The following BPI variants were observed in gnomAD, a reference collection of about 807,000 sequenced individuals.
The protein encoded by BPI is bactericidal permeability increasing protein, also known as bactericidal permeability-increasing protein.
A neutral mutation model predicts 57.6 loss-of-function variants in BPI; 48 were observed. That is an observed-to-expected ratio of 0.83 (90% CI 0.66 to 1.06). The LOEUF (loss-of-function observed/expected upper bound fraction) is 1.06, where lower values mean the gene tolerates loss of function less well. BPI is among the 50% of genes least tolerant of loss of function. The pLI is 0.00. For missense variants in BPI, 651 were observed against 609.7 expected, an observed-to-expected ratio of 1.07 and a Z score of -0.71; for synonymous variants, 237 against 238.2, an observed-to-expected ratio of 0.99 and a Z score of 0.05.
In BPI at chr20:38,311,627, GGGGACT is replaced by G. The variant is rs1252814921; in HGVS notation, c.537-244_537-239del. Among the ~76,000 whole-genome samples, 5 of 152,152 alleles carry G rather than the reference GGGGACT, an allele frequency of 3.3e-5. No homozygotes were observed. In the East Asian group the frequency reaches 9.6e-4, roughly 29 times the overall value. On this transcript the variant is annotated intron_variant, in intron 4 of 14. Coordinates refer to ENST00000642449, the MANE Select transcript of BPI (RefSeq NM_001725.3). ...AGTGTGGCTAGTGTGCAGCAAGGGAGGGGACTGGTAAGGAATGAGACTGGGACGGGG... is the reference window on the plus strand; with the variant it reads ...AGTGTGGCTAGTGTGCAGCAAGGGAGGGTAAGGAATGAGACTGGGACGGGG...
chr20:38,330,296 T>C (rs1401788468), intron 11 of BPI, among the ~76,000 whole-genome samples: 1 of 152,198 alleles, frequency 6.6e-6, no homozygotes, highest in Non-Finnish European at 1.5e-5. Context: ...CTGTGTGACC[T>C]TGGACCATTG....
At position 38,331,039 on chromosome 20, in the gene BPI, C is replaced by T; in HGVS notation, c.1230-9C>T. 1.2e-6 allele frequency: 2 copies of T among 1,614,144 alleles called. No individual in the cohort carries two copies. The highest frequency in any genetic ancestry group is 2.2e-5 in the East Asian group (1 of 44,880). On this transcript the variant is annotated splice_polypyrimidine_tract_variant and intron_variant, in intron 11 of 14. Transcript: ENST00000642449. ...TGGTGGTCTCAGTCCCCTCCTCCCC[C>T]TCTCACAGGCTGCTCCTGGAACTGA...
chr20:38,325,726 G>T (rs964065715), intron 9 of BPI, among the ~76,000 whole-genome samples: 1 of 152,136 alleles, frequency 6.6e-6, no homozygotes, highest in Admixed American at 6.5e-5. Flanking sequence ...AGCTCTGGTT[G>T]GGGGGAGAGG....
At chr20:38,307,258 C>T (rs945102026) in intron 1 of BPI, among the ~76,000 whole-genome samples, 1 of 152,206 alleles carries the variant, frequency 6.6e-6, no homozygotes, top group African/African-American at 2.4e-5. Flanking sequence ...ATATGAAATT[C>T]TCATTTCAAT....
Position 38,311,885 on chromosome 20 carries a change from A to G in BPI, c.548A>G (p.Gln183Arg), listed in dbSNP as rs756956473. 6.2e-7 allele frequency: 1 copy of G among 1,614,066 alleles called. No individual in the cohort carries two copies. The highest frequency in any genetic ancestry group is 8.5e-7 in the Non-Finnish European group (1 of 1,179,998). ...ISKSKVGWLIQLFHKKIESAL... is the reference protein window; with the variant it reads ...ISKSKVGWLIRLFHKKIESAL... ...TTGTTCATCTCTAGGTGGCTGATCC[A>G]ACTCTTCCACAAAAAAATTGAGTCT... Residue 183 changes from glutamine (Q) to arginine (R), a missense_variant, in exon 5 of 15, where the codon CAA (glutamine) becomes CGA (arginine). By Grantham distance (43) the Gln-to-Arg change is conservative. Transcript: ENST00000642449.
At chr20:38,332,244 G>C (rs2076746587) in intron 12 of BPI, among the ~76,000 whole-genome samples, 1 of 152,172 alleles carries the variant, frequency 6.6e-6, no homozygotes, top group South Asian at 2.1e-4. Flanking sequence ...TTCCCTGCAG[G>C]GAGTGCTGTG....
At chr20:38,332,455 C>T (rs556047359) in intron 12 of BPI, among the ~76,000 whole-genome samples, 7 of 152,090 alleles carry the variant, frequency 4.6e-5, no homozygotes, top group Non-Finnish European at 7.4e-5. Flanking sequence ...AGATATGAGC[C>T]TCTTTTATAA....
chr20:38,332,131 G>A (rs2122564197), intron 12 of BPI, among the ~76,000 whole-genome samples: 1 of 152,332 alleles, frequency 6.6e-6, no homozygotes, highest in South Asian at 2.1e-4. Flanking sequence ...AAGAGATGTG[G>A]CCAGAGGGGC....
Position 38,307,131 on chromosome 20 carries a change from C to T in BPI, c.131-436C>T, listed in dbSNP as rs151146672. Among the ~76,000 whole-genome samples the T allele has an allele frequency of 3.3e-4, 50 of 152,098 alleles. No individual in the cohort carries two copies. In the East Asian group the frequency reaches 8.1e-3, roughly 25 times the overall value. ...GGAGAATGACCTAAGTGCAGCGGGT[C>T]GAGGTTGCAGTGAGCCGTGATCATG... On this transcript the variant is annotated intron_variant, in intron 1 of 14. Transcript: ENST00000642449.
intron 2 of BPI, among the ~76,000 whole-genome samples, chr20:38,307,926 C>T (rs529435917): frequency 7.5e-4 from 114 of 152,316 alleles, no homozygotes; most frequent in Non-Finnish European, 1.4e-3. Context: ...TTAGAATGTG[C>T]AAGTTTTCAA....
chr20:38,319,085 A>G (rs1340432072), intron 6 of BPI, among the ~76,000 whole-genome samples: 1 of 152,082 alleles, frequency 6.6e-6, no homozygotes, highest in Non-Finnish European at 1.5e-5. Flanking sequence ...AAATACAAAA[A>G]TTTGCCAGGC....
chr20:38,316,630 G>A (rs1451506077), intron 5 of BPI, among the ~76,000 whole-genome samples: 1 of 152,216 alleles, frequency 6.6e-6, no homozygotes, highest in East Asian at 1.9e-4. Context: ...CCTTTACTGA[G>A]TGGGTTGCTG....
At chr20:38,314,850 A>AGATGAT (rs112026634) in intron 5 of BPI, among the ~76,000 whole-genome samples, 1 of 137,020 alleles carries the variant, frequency 7.3e-6, no homozygotes, top group South Asian at 2.4e-4. Flanking sequence ...GTAATGGTGG[A>AGATGAT]GATGATGATG....
At chr20:38,308,669 G>A (rs1017397735) in intron 2 of BPI, among the ~76,000 whole-genome samples, 7 of 152,146 alleles carry the variant, frequency 4.6e-5, no homozygotes, top group African/African-American at 1.7e-4. Context: ...ACTGAGGCTG[G>A]GGTAATTATG....
At chr20:38,316,225 C>T (rs996171676) in intron 5 of BPI, among the ~76,000 whole-genome samples, 1 of 152,162 alleles carries the variant, frequency 6.6e-6, no homozygotes, top group Non-Finnish European at 1.5e-5. Flanking sequence ...TCCCTCCTTC[C>T]CCTTTTCTTC....
intron 7 of BPI, among the ~76,000 whole-genome samples, chr20:38,321,145 A>AAGGGTAGGTGGGTGGGTGTATTGG: frequency 1.6e-5 from 1 of 61,740 alleles, no homozygotes; most frequent in South Asian, 7.9e-4. Flanking sequence ...GTATTGGTGG[A>AAGGGTAGGTGGGTGGGTGTATTGG]TGGATGGATG....
rs1242311371 is a variant in BPI at position 38,310,585 on chromosome 20, A to T, written c.469A>T (p.Ile157Phe). Residue 157 changes from isoleucine (I) to phenylalanine (F), a missense_variant, in exon 4 of 15, where the codon ATC becomes TTC. By Grantham distance (21) the Ile-to-Phe change is conservative. Transcript: ENST00000642449. ...GSNPTSGKPT[I>F]TCSSCSSHIN... ...TAACCCCACGTCAGGCAAGCCCACC[A>T]TCACCTGCTCCAGCTGCAGCAGCCA... The T allele has an allele frequency of 7.4e-6, 12 of 1,614,020 alleles. No individual in the cohort carries two copies. Among genetic ancestry groups the T allele is most frequent in the Non-Finnish European group, 1.0e-5 (12 of 1,180,032 alleles).
At chr20:38,313,537 A>G (rs1314221101) in intron 5 of BPI, among the ~76,000 whole-genome samples, 1 of 152,206 alleles carries the variant, frequency 6.6e-6, no homozygotes, top group Non-Finnish European at 1.5e-5. Flanking sequence ...TAATCAAGTA[A>G]CAGTCTGAGA....
intron 11 of BPI, among the ~76,000 whole-genome samples, chr20:38,328,899 G>C (rs1277010476): frequency 6.6e-6 from 1 of 151,970 alleles, no homozygotes; most frequent in South Asian, 2.1e-4. Flanking sequence ...CCAGCTACTC[G>C]AGAGGCTGAG....
Sources: gnomAD v4.1 joint callset for allele counts (sites outside exome capture counted in the v4.1 genomes callset) on GRCh38, gnomAD v4.1.1 for gene constraint, MANE v1.5 for transcripts, NCBI Gene and HGNC (gene_info 2026-07-23, HGNC 2026-07-21) for gene names.